KAZN: variants seen among roughly 807,000 people sequenced by gnomAD.
KAZN encodes kazrin.
A neutral mutation model predicts 87.4 loss-of-function variants in KAZN; 40 were observed. The observed-to-expected ratio is 0.46, with a 90% CI of 0.36 to 0.60. The LOEUF (loss-of-function observed/expected upper bound fraction) is 0.60, where lower values mean the gene tolerates loss of function less well. KAZN is among the 20% of genes least tolerant of loss of function. The probability of loss-of-function intolerance (pLI) is 0.00; values close to 1 mark genes in which losing one functional copy is unlikely to be tolerated. For missense variants in KAZN, 898 were observed against 1,073.9 expected (o/e 0.84, Z 2.29); for synonymous variants, 466 against 458.3 (o/e 1.02, Z -0.22).
chr1:14,702,222 G>A (rs1408520577), intron 1 of KAZN, among the ~76,000 whole-genome samples: 1 of 152,146 alleles, frequency 6.6e-6, no homozygotes, highest in African/African-American at 2.4e-5. Context: ...CATGGCCTGG[G>A]CAGCTCAGGA....
rs186438623 is a variant in KAZN at position 14,568,846 on chromosome 1, G to A, written c.250-30137G>A. Among the ~76,000 whole-genome samples the A allele has an allele frequency of 6.8e-4, 103 of 152,334 alleles. 1 individual carries two copies. The highest frequency in any genetic ancestry group is 2.3e-3 in the African/African-American group (96 of 41,582). On this transcript the variant is annotated intron_variant, in intron 2 of 16. Transcript: ENST00000636203. Reference sequence around the variant, plus strand: ...GTTTCCTGGCAGTAGAAACTACGACGGATCCGATGTGTCTCCCCCACCAGA... The same window carrying A: ...GTTTCCTGGCAGTAGAAACTACGACAGATCCGATGTGTCTCCCCCACCAGA...
At chr1:14,795,263 T>A (rs546196612) in intron 1 of KAZN, among the ~76,000 whole-genome samples, 4 of 152,254 alleles carry the variant, frequency 2.6e-5, no homozygotes, top group African/African-American at 9.6e-5. Context: ...ACTAATACAA[T>A]GGGTGAAATG....
At chr1:15,003,866 C>T (rs6669896) in intron 2 of KAZN, among the ~76,000 whole-genome samples, 10,303 of 152,192 alleles carry the variant, frequency 0.068, 420 homozygotes, top group East Asian at 0.18. Flanking sequence ...AGCCTCTGTC[C>T]CCAGGTGTCA....
chr1:14,197,180 A>G (rs375382354), intron 2 of KAZN, among the ~76,000 whole-genome samples: 3 of 152,110 alleles, frequency 2.0e-5, no homozygotes, highest in Admixed American at 6.5e-5. Flanking sequence ...CAGTAGTTAG[A>G]GAAGAATATA....
In KAZN at chr1:14,717,463, C is replaced by T. The variant is rs185821518; in HGVS notation, c.226+118240C>T. On this transcript the variant is annotated intron_variant, in intron 1 of 14. Transcript: ENST00000376030. ...TCCTTTTCCCAGCTTGCGGTGGCCCCGGCATTCCTTGGCTGTGGCAGCATC... is the reference window on the plus strand; with the variant it reads ...TCCTTTTCCCAGCTTGCGGTGGCCCTGGCATTCCTTGGCTGTGGCAGCATC... Among the ~76,000 whole-genome samples the T allele has an allele frequency of 5.3e-5, 8 of 152,176 alleles. No individual in the cohort carries two copies. In the East Asian group the frequency reaches 5.8e-4, roughly 11 times the overall value.
chr1:14,369,545 A>G (rs1253102973), intron 2 of KAZN, among the ~76,000 whole-genome samples: 3 of 152,172 alleles, frequency 2.0e-5, no homozygotes, highest in African/African-American at 4.8e-5. Flanking sequence ...AGAAGGAAGA[A>G]AAAATGGGGA....
intron 3 of KAZN, among the ~76,000 whole-genome samples, chr1:15,037,157 G>C (rs1055679330): frequency 1.3e-5 from 2 of 152,072 alleles, no homozygotes; most frequent in Non-Finnish European, 2.9e-5. Flanking sequence ...TCTTTTTTCA[G>C]TGGGCAAGGC....
chr1:14,692,869 G>T (rs1192932008), intron 1 of KAZN, among the ~76,000 whole-genome samples: 1 of 152,200 alleles, frequency 6.6e-6, no homozygotes, highest in Admixed American at 6.5e-5. Flanking sequence ...GGAGGTGGAG[G>T]TTGCAGTAAG....
intron 1 of KAZN, among the ~76,000 whole-genome samples, chr1:14,176,671 C>T (rs1185212861): frequency 2.7e-4 from 41 of 152,172 alleles, no homozygotes; most frequent in Admixed American, 2.4e-3. Context: ...ATGTCATATC[C>T]GGTATTCTCC....
intron 1 of KAZN, among the ~76,000 whole-genome samples, chr1:14,794,419 C>T (rs2100705009): frequency 6.6e-6 from 1 of 151,110 alleles, no homozygotes; most frequent in East Asian, 1.9e-4. Flanking sequence ...CACTGCCATT[C>T]CAAGGCTGTG....
intron 13 of KAZN, 98 bp from the exon 14 acceptor site, chr1:15,112,329 A>ATGTGTGTG (rs58658629): frequency 2.2e-4 from 141 of 638,628 alleles, no homozygotes; most frequent in African/African-American, 1.1e-3. Context: ...ATTGTCACCA[A>ATGTGTGTG]TGTGTGTGTG....
At chr1:13,974,136 A>G (rs1310686225) in intron 1 of KAZN, among the ~76,000 whole-genome samples, 1 of 152,268 alleles carries the variant, frequency 6.6e-6, no homozygotes, top group Non-Finnish European at 1.5e-5. Flanking sequence ...TTATCAAACC[A>G]GGAATTTGTA....
intron 1 of KAZN, among the ~76,000 whole-genome samples, chr1:14,822,944 G>A (rs1646778059): frequency 6.6e-6 from 1 of 152,202 alleles, no homozygotes; most frequent in South Asian, 2.1e-4. Flanking sequence ...TGAGTCAGGT[G>A]CCGAGTGGAT....
chr1:14,961,284 G>T (rs572282155), intron 2 of KAZN, among the ~76,000 whole-genome samples: 1 of 152,180 alleles, frequency 6.6e-6, no homozygotes, highest in Non-Finnish European at 1.5e-5. Flanking sequence ...TGTCCCATGC[G>T]TCCCTCTTGC....
chr1:14,324,892 CA>C (rs1339483516), intron 2 of KAZN, among the ~76,000 whole-genome samples: 1 of 152,122 alleles, frequency 6.6e-6, no homozygotes, highest in Non-Finnish European at 1.5e-5. Flanking sequence ...AATTAATGTA[CA>C]ATTTCCATTA....
At chr1:14,238,431 A>G (rs942305392) in intron 2 of KAZN, among the ~76,000 whole-genome samples, 4 of 152,198 alleles carry the variant, frequency 2.6e-5, no homozygotes, top group African/African-American at 7.2e-5. Context: ...TCCGGCCCTC[A>G]TATCGAGCCA....
At chr1:14,875,908 C>T (rs970138186) in intron 1 of KAZN, among the ~76,000 whole-genome samples, 2 of 152,228 alleles carry the variant, frequency 1.3e-5, no homozygotes, top group African/African-American at 4.8e-5. Flanking sequence ...CCAGGCATGA[C>T]TGCCACATCA....
intron 1 of KAZN, among the ~76,000 whole-genome samples, chr1:14,105,418 G>A (rs1444262969): frequency 6.6e-6 from 1 of 152,168 alleles, no homozygotes; most frequent in Admixed American, 6.5e-5. Flanking sequence ...GGTGGAAGGG[G>A]GTTTGTGGAT....
At chr1:14,723,178 C>T (rs553105162) in intron 1 of KAZN, among the ~76,000 whole-genome samples, 13 of 152,102 alleles carry the variant, frequency 8.5e-5, no homozygotes, top group Admixed American at 3.3e-4. Context: ...CCTGACCCTG[C>T]GGCTGCACCA....
Sources: allele counts gnomAD v4.1 joint callset (sites outside exome capture counted in the v4.1 genomes callset), GRCh38; gene constraint gnomAD v4.1.1; transcripts MANE v1.5; gene names NCBI Gene and HGNC (gene_info 2026-07-23, HGNC 2026-07-21).